The following MMP26 variants were observed in gnomAD, a reference collection of about 807,000 sequenced individuals.
The protein encoded by MMP26 is matrix metalloproteinase-26.
MMP26 carries 33 observed loss-of-function variants against 31.0 expected under a neutral mutation model. That is an observed-to-expected ratio of 1.06 (90% CI 0.81 to 1.42). MMP26 has a LOEUF of 1.42. MMP26 is among the 40% of genes most tolerant of loss of function. MMP26 has a pLI of 0.00. For missense variants in MMP26, 347 were observed against 316.1 expected (o/e 1.10, Z -0.74); for synonymous variants, 122 against 114.9 (o/e 1.06, Z -0.40).
intron 2 of MMP26, chr11:4,821,676 T>C (rs751804963): frequency 5.0e-6 from 8 of 1,614,100 alleles, no homozygotes; most frequent in Admixed American, 3.3e-5. Flanking sequence ...CTACCCTTGG[T>C]GTCTTCTGGT....
At chr11:4,723,522 G>C (rs1170590716) in intron 1 of MMP26, 2 of 1,186,666 alleles carry the variant, frequency 1.7e-6, no homozygotes, top group African/African-American at 3.0e-5. Flanking sequence ...TGAGGAAGTT[G>C]ATCTCGTCAG....
intron 2 of MMP26, among the ~76,000 whole-genome samples, chr11:4,858,087 G>A (rs184605658): frequency 6.6e-6 from 1 of 152,020 alleles, no homozygotes; most frequent in Non-Finnish European, 1.5e-5. Context: ...AAAATAATAA[G>A]AGCTATTTAT....
At chr11:4,871,491 G>A (rs571429969) in intron 2 of MMP26, among the ~76,000 whole-genome samples, 13 of 152,176 alleles carry the variant, frequency 8.5e-5, no homozygotes, top group Admixed American at 3.3e-4. Context: ...CGTTTGGATG[G>A]GTTGCTACCA....
intron 2 of MMP26, among the ~76,000 whole-genome samples, chr11:4,857,688 C>G (rs1038053156): frequency 2.6e-5 from 4 of 152,088 alleles, no homozygotes; most frequent in African/African-American, 9.7e-5. Flanking sequence ...CTATTCCAAT[C>G]AATAGAAAAA....
intron 2 of MMP26, among the ~76,000 whole-genome samples, chr11:4,920,069 C>T (rs1408009780): frequency 2.0e-5 from 3 of 152,030 alleles, no homozygotes; most frequent in Non-Finnish European, 4.4e-5. Context: ...TTTTTGGCCC[C>T]TGGGAAAGCT....
At chr11:4,829,347 G>A (rs1849616706) in intron 2 of MMP26, among the ~76,000 whole-genome samples, 1 of 152,036 alleles carries the variant, frequency 6.6e-6, no homozygotes, top group Non-Finnish European at 1.5e-5. Flanking sequence ...ATCACCTCTT[G>A]TATTAACCTG....
At chr11:4,885,590 G>A (rs983734357) in intron 2 of MMP26, among the ~76,000 whole-genome samples, 8 of 152,032 alleles carry the variant, frequency 5.3e-5, no homozygotes, top group Non-Finnish European at 1.2e-4. Context: ...CTAGGTTTGT[G>A]TAAATACGCT....
chr11:4,845,931 A>C (rs184734173), intron 2 of MMP26, among the ~76,000 whole-genome samples: 21 of 152,302 alleles, frequency 1.4e-4, no homozygotes, highest in Admixed American at 6.5e-4. Flanking sequence ...GATATCCAAA[A>C]GACAGACAAT....
chr11:4,721,869 G>A (rs1385855169), intron 1 of MMP26, among the ~76,000 whole-genome samples: 3 of 152,076 alleles, frequency 2.0e-5, no homozygotes, highest in Non-Finnish European at 4.4e-5. Context: ...ACAATGTTTC[G>A]TCCTCCTGCT....
rs775671689 is a variant in MMP26 at position 4,924,367 on chromosome 11, T to G, written c.-144-63701T>G. ...CTTTACAATCTTGGACTCAGAAACC[T>G]GGAATATAGAATGAGATTCCTGGAA... On this transcript the variant is annotated intron_variant, in intron 2 of 7. Transcript: ENST00000380390. 22 of 1,553,710 alleles carry G rather than the reference T, an allele frequency of 1.4e-5. No individual in the cohort carries two copies. The South Asian group carries it at 2.8e-4, about 20-fold the overall frequency.
intron 2 of MMP26, among the ~76,000 whole-genome samples, chr11:4,922,851 T>A (rs530302102): frequency 6.6e-6 from 1 of 152,188 alleles, no homozygotes; most frequent in Non-Finnish European, 1.5e-5. Context: ...TGTGGGCATA[T>A]GTTTAGTAAA....
chr11:4,863,700 T>C (rs1850196220), intron 2 of MMP26: 1 of 152,138 alleles, frequency 6.6e-6, no homozygotes, highest in Non-Finnish European at 1.5e-5. Flanking sequence ...TAAAGACTGC[T>C]CAAACCACTG....
At chr11:4,888,465 C>G (rs1002923100) in intron 2 of MMP26, among the ~76,000 whole-genome samples, 1 of 151,966 alleles carries the variant, frequency 6.6e-6, no homozygotes, top group African/African-American at 2.4e-5. Context: ...TATCAAATGC[C>G]TAAACAACCA....
intron 2 of MMP26, among the ~76,000 whole-genome samples, chr11:4,879,503 A>C (rs1232149148): frequency 6.6e-6 from 1 of 152,100 alleles, no homozygotes; most frequent in African/African-American, 2.4e-5. Flanking sequence ...TTATTTCAAA[A>C]TTTTGAGTAC....
intron 1 of MMP26, chr11:4,724,181 C>G: frequency 1.9e-6 from 1 of 535,210 alleles, no homozygotes. Flanking sequence ...ATGGTAGAGG[C>G]AGGAGTGGAG....
intron 1 of MMP26, among the ~76,000 whole-genome samples, chr11:4,754,618 G>A (rs1848484709): frequency 6.6e-6 from 1 of 151,870 alleles, no homozygotes; most frequent in Admixed American, 6.6e-5. Context: ...TTCTCATTAA[G>A]CGTGCCCATT....
At chr11:4,848,949 G>A in intron 2 of MMP26, 2 of 1,614,086 alleles carry the variant, frequency 1.2e-6, no homozygotes, top group Non-Finnish European at 1.7e-6. Context: ...CAGCAGTGTG[G>A]GCATCAGGGC....
chr11:4,776,161 G>A (rs555990228), intron 2 of MMP26, among the ~76,000 whole-genome samples: 1 of 152,066 alleles, frequency 6.6e-6, no homozygotes, highest in African/African-American at 2.4e-5. Context: ...ATTCCATTGT[G>A]CACATATGCC....
At chr11:4,825,704 T>C (rs1261589962) in intron 2 of MMP26, among the ~76,000 whole-genome samples, 1 of 152,126 alleles carries the variant, frequency 6.6e-6, no homozygotes, top group Non-Finnish European at 1.5e-5. Flanking sequence ...GTAATTGTGA[T>C]GCCATTGAAT....
Sources: gnomAD v4.1 joint callset for allele counts (sites outside exome capture counted in the v4.1 genomes callset) on GRCh38, gnomAD v4.1.1 for gene constraint, MANE v1.5 for transcripts, NCBI Gene and HGNC (gene_info 2026-07-23, HGNC 2026-07-21) for gene names.